SLC44A5: variants seen among roughly 807,000 people sequenced by gnomAD.
The protein encoded by SLC44A5 is solute carrier family 44 member 5, also known as choline transporter-like protein 5.
SLC44A5 carries 57 observed loss-of-function variants against 101.8 expected under a neutral mutation model. The observed-to-expected ratio is 0.56, with a 90% CI of 0.45 to 0.70. The LOEUF is 0.70. SLC44A5 is among the 30% of genes least tolerant of loss of function. The pLI is 0.00. For missense variants in SLC44A5, 737 were observed against 853.1 expected, an observed-to-expected ratio of 0.86 and a Z score of 1.70; for synonymous variants, 281 against 290.9, an observed-to-expected ratio of 0.97 and a Z score of 0.35.
intron 7 of SLC44A5, among the ~76,000 whole-genome samples, chr1:75,243,346 AG>A (rs760818724): frequency 1.8e-4 from 27 of 151,884 alleles, no homozygotes; most frequent in Non-Finnish European, 2.9e-4. Flanking sequence ...CATGTTTCCC[AG>A]GCTGGTCTCA....
chr1:75,661,599 A>C, the SLC44A5 span, among the ~76,000 whole-genome samples: 3 of 152,030 alleles, frequency 2.0e-5, no homozygotes, highest in Non-Finnish European at 4.4e-5. Context: ...AAATGTTTGC[A>C]AACTATCTAT....
intron 7 of SLC44A5, among the ~76,000 whole-genome samples, 185 bp downstream of exon 7, chr1:75,251,025 C>A (rs1649524145): frequency 6.6e-6 from 1 of 152,184 alleles, no homozygotes; most frequent in Admixed American, 6.6e-5. Context: ...TGATTAATTT[C>A]TGCTTAGTTT....
intron 1 of SLC44A5, among the ~76,000 whole-genome samples, chr1:75,572,887 C>A (rs192103462): frequency 1.3e-5 from 2 of 151,962 alleles, no homozygotes; most frequent in South Asian, 4.2e-4. Context: ...CTTTGGGAGG[C>A]TAAGGCAGGC....
the SLC44A5 span, among the ~76,000 whole-genome samples, chr1:75,638,585 T>C: frequency 3.3e-5 from 5 of 152,006 alleles, no homozygotes; most frequent in Admixed American, 2.6e-4. Context: ...TTGAATATAC[T>C]CCACAGCTGA....
chr1:75,344,358 T>C (rs949545864), intron 3 of SLC44A5, among the ~76,000 whole-genome samples: 3 of 152,208 alleles, frequency 2.0e-5, no homozygotes, highest in African/African-American at 7.2e-5. Context: ...ACAGGTTATC[T>C]GTTTTCATGT....
chr1:75,536,794 C>G (rs1450417539), intron 2 of SLC44A5, among the ~76,000 whole-genome samples: 1 of 145,644 alleles, frequency 6.9e-6, no homozygotes, highest in Non-Finnish European at 1.5e-5. Context: ...ATCACGAGGT[C>G]AGGAGATCGA....
At chr1:75,589,164 T>C (rs1674198454) in intron 1 of SLC44A5, among the ~76,000 whole-genome samples, 1 of 151,974 alleles carries the variant, frequency 6.6e-6, no homozygotes, top group African/African-American at 2.4e-5. Flanking sequence ...CTCTGCCACC[T>C]AATCTGCCAT....
At chr1:75,271,535 T>C (rs1056765570) in intron 6 of SLC44A5, among the ~76,000 whole-genome samples, 16 of 142,854 alleles carry the variant, frequency 1.1e-4, no homozygotes, top group Non-Finnish European at 1.8e-4. Context: ...CCTCATAGCT[T>C]AGCTCTCACT....
At chr1:75,712,179 A>G in the SLC44A5 span, among the ~76,000 whole-genome samples, 138 of 152,322 alleles carry the variant, frequency 9.1e-4, 1 homozygote, top group South Asian at 0.015. Context: ...CATGGTAAAG[A>G]CTGGTTTTAC....
the SLC44A5 span, among the ~76,000 whole-genome samples, chr1:75,624,431 CAT>C: frequency 6.6e-6 from 1 of 152,056 alleles, no homozygotes; most frequent in Non-Finnish European, 1.5e-5. Flanking sequence ...AATATTGCCT[CAT>C]ATGTTAGTCA....
intron 2 of SLC44A5, among the ~76,000 whole-genome samples, chr1:75,413,715 T>C (rs1466017668): frequency 6.6e-6 from 1 of 152,198 alleles, no homozygotes; most frequent in African/African-American, 2.4e-5. Flanking sequence ...AATAGATCTG[T>C]TATCCACAAA....
intron 4 of SLC44A5, among the ~76,000 whole-genome samples, chr1:75,301,789 G>A (rs534134803): frequency 1.2e-4 from 19 of 152,276 alleles, no homozygotes; most frequent in South Asian, 2.1e-4. Context: ...CTTAAGGTAC[G>A]TGAAAGAGGT....
intron 1 of SLC44A5, chr1:75,582,299 G>A: frequency 6.5e-7 from 1 of 1,528,020 alleles, no homozygotes; most frequent in East Asian, 2.2e-5. Context: ...GAGTGCACGT[G>A]CAAAGGCTAT....
chr1:75,552,054 A>G (rs1342781779), intron 1 of SLC44A5, among the ~76,000 whole-genome samples: 1 of 152,098 alleles, frequency 6.6e-6, no homozygotes, highest in Non-Finnish European at 1.5e-5. Flanking sequence ...TCATCACTCA[A>G]TAATGCTTAA....
At chr1:75,695,720 TTA>T in the SLC44A5 span, among the ~76,000 whole-genome samples, 3 of 147,804 alleles carry the variant, frequency 2.0e-5, no homozygotes, top group Non-Finnish European at 4.5e-5. Flanking sequence ...AATATATGAC[TTA>T]TATATGTATA....
chr1:75,609,767 A>G (rs959831673), intron 1 of SLC44A5, among the ~76,000 whole-genome samples: 5 of 152,092 alleles, frequency 3.3e-5, no homozygotes, highest in Admixed American at 3.3e-4. Flanking sequence ...TGGAACTAGT[A>G]ACAAATATTA....
chr1:75,398,132 G>T (rs1312025046), intron 2 of SLC44A5, among the ~76,000 whole-genome samples: 11 of 152,104 alleles, frequency 7.2e-5, no homozygotes, highest in African/African-American at 2.7e-4. Flanking sequence ...CTGTTCCTGG[G>T]CCCTAAATGA....
chr1:75,527,434 A>C (rs1005272904), intron 2 of SLC44A5, among the ~76,000 whole-genome samples: 4 of 152,182 alleles, frequency 2.6e-5, no homozygotes, highest in Non-Finnish European at 5.9e-5. Context: ...AAAGCCAAAA[A>C]AGCATTAAAA....
intron 2 of SLC44A5, among the ~76,000 whole-genome samples, chr1:75,401,832 G>C (rs912688471): frequency 1.6e-4 from 25 of 152,130 alleles, no homozygotes; most frequent in Non-Finnish European, 4.4e-5. Context: ...AAAAGTAACA[G>C]TATTCTGGGC....
Sources: gnomAD v4.1 joint callset for allele counts (sites outside exome capture counted in the v4.1 genomes callset) on GRCh38, gnomAD v4.1.1 for gene constraint, MANE v1.5 for transcripts, NCBI Gene and HGNC (gene_info 2026-07-23, HGNC 2026-07-21) for gene names.